LRRK1: variants seen among roughly 807,000 people sequenced by gnomAD.
LRRK1 encodes leucine-rich repeat serine/threonine-protein kinase 1.
A neutral mutation model predicts 209.1 loss-of-function variants in LRRK1; 113 were observed. The ratio of observed to expected loss-of-function variants is 0.54; its 90% CI spans 0.46 to 0.63. The LOEUF is 0.63. Among genes scored for constraint, LRRK1 ranks in the 30% least tolerant of loss-of-function variants. The pLI is 0.00. For missense variants in LRRK1, 2,284 were observed against 2,632.2 expected (o/e 0.87, Z 2.89); for synonymous variants, 1,144 against 1,099.7 (o/e 1.04, Z -0.80).
intron 2 of LRRK1, among the ~76,000 whole-genome samples, chr15:100,962,823 A>ATATAT: frequency 3.5e-4 from 4 of 11,546 alleles, no homozygotes; most frequent in African/African-American, 1.0e-3. Flanking sequence ...ATATATATAT[A>ATATAT]TTTTTTTTTT....
chr15:101,038,344 A>G (rs544941055), intron 20 of LRRK1, among the ~76,000 whole-genome samples: 2 of 152,300 alleles, frequency 1.3e-5, no homozygotes, highest in African/African-American at 4.8e-5. Context: ...ACCAAACACC[A>G]CCTGCTCCCC....
chr15:101,045,774 T>C (rs2035040063), intron 20 of LRRK1, among the ~76,000 whole-genome samples: 1 of 152,242 alleles, frequency 6.6e-6, no homozygotes, highest in African/African-American at 2.4e-5. Context: ...GGACCAGTCT[T>C]CATTTTCCTT....
intron 20 of LRRK1, among the ~76,000 whole-genome samples, chr15:101,031,977 G>C (rs966799867): frequency 6.6e-6 from 1 of 152,146 alleles, no homozygotes. Context: ...CTCGTGATCC[G>C]CCTGCCTTGG....
At chr15:100,932,427 T>C (rs1036013618) in intron 2 of LRRK1, among the ~76,000 whole-genome samples, 12 of 152,368 alleles carry the variant, frequency 7.9e-5, no homozygotes, top group Admixed American at 3.3e-4. Context: ...TCCCTCTATA[T>C]GCACCACATC....
At chr15:101,019,159 G>T (rs1295961834) in intron 12 of LRRK1, among the ~76,000 whole-genome samples, 1 of 152,156 alleles carries the variant, frequency 6.6e-6, no homozygotes, top group Non-Finnish European at 1.5e-5. Flanking sequence ...TCTGTTACAG[G>T]TGTTGCCTCT....
At chr15:101,066,413 AG>A (rs1205663135) in intron 32 of LRRK1, among the ~76,000 whole-genome samples, 1 of 152,254 alleles carries the variant, frequency 6.6e-6, no homozygotes, top group Non-Finnish European at 1.5e-5. Flanking sequence ...ATTGCCTGCC[AG>A]AGAGCTTAAG....
At chr15:101,028,416 G>A (rs2141104130) in intron 19 of LRRK1, among the ~76,000 whole-genome samples, 1 of 152,304 alleles carries the variant, frequency 6.6e-6, no homozygotes, top group East Asian at 1.9e-4. Context: ...CACGCTTAGG[G>A]AACTACACAG....
chr15:101,068,370 G>A (rs184007699), intron 33 of LRRK1, among the ~76,000 whole-genome samples: 1 of 152,262 alleles, frequency 6.6e-6, no homozygotes, highest in Non-Finnish European at 1.5e-5. Flanking sequence ...TGGGAGCTGA[G>A]TCAAGGATGC....
chr15:101,065,111 G>A, intron 31 of LRRK1: 1 of 572,222 alleles, frequency 1.7e-6, no homozygotes, highest in South Asian at 2.1e-5. Context: ...CACAGGCCCT[G>A]CCTCTGGGTG....
At chr15:100,985,046 C>G (rs2031796409) in intron 4 of LRRK1, among the ~76,000 whole-genome samples, 1 of 152,214 alleles carries the variant, frequency 6.6e-6, no homozygotes, top group African/African-American at 2.4e-5. Flanking sequence ...TGCATTGGGC[C>G]TCACCCCTTA....
At chr15:100,945,238 C>A (rs1042605054) in intron 2 of LRRK1, among the ~76,000 whole-genome samples, 2 of 152,166 alleles carry the variant, frequency 1.3e-5, no homozygotes, top group Non-Finnish European at 2.9e-5. Context: ...TGCTAAGCAG[C>A]CCTTCAGGAG....
At chr15:101,059,443 T>C (rs1275727350) in intron 29 of LRRK1, among the ~76,000 whole-genome samples, 1 of 147,972 alleles carries the variant, frequency 6.8e-6, no homozygotes, top group Admixed American at 6.7e-5. Flanking sequence ...GGAGCACGCC[T>C]TCCTGATGGG....
At chr15:101,062,752 C>G (rs2036261936) in intron 31 of LRRK1, 62 bp downstream of exon 31, 1 of 1,217,554 alleles carries the variant, frequency 8.2e-7, no homozygotes, top group South Asian at 1.2e-5. Flanking sequence ...TAGGAGGCGT[C>G]TCCTAGCTAT....
At position 101,012,124 on chromosome 15, in the gene LRRK1, C is replaced by G. The variant is rs761913219; in HGVS notation, c.1398C>G (p.Pro466=). 3.7e-6 allele frequency: 6 copies of G among 1,608,874 alleles called. No homozygotes were observed. The highest frequency in any genetic ancestry group is 5.1e-6 in the Non-Finnish European group (6 of 1,178,690). The change falls in exon 10 of 34, where the codon CCC becomes CCG. Residue 466 remains proline (P), a synonymous_variant. Coordinates refer to ENST00000388948, the MANE Select transcript of LRRK1 (RefSeq NM_024652.6). ...CAGAAAACGCACTCAAAGAAGTTCC[C>G]CTGGGACTTTTCCAGCTTGATGTAA... ...DFSENALKEV[P]LGLFQLDALM...
intron 2 of LRRK1, among the ~76,000 whole-genome samples, chr15:100,933,869 A>G (rs566565066): frequency 2.2e-5 from 3 of 139,114 alleles, no homozygotes; most frequent in East Asian, 4.5e-4. Flanking sequence ...GCTTGACTTC[A>G]TCTTCTAACC....
chr15:101,066,006 T>A lies in LRRK1; in HGVS notation c.5569T>A (p.Ser1857Thr), dbSNP rs1415696374. 6.2e-7 allele frequency: 1 copy of A among 1,613,946 alleles called. No homozygotes were observed. The highest frequency in any genetic ancestry group is 8.5e-7 in the Non-Finnish European group (1 of 1,179,974). Reference protein sequence around the residue: ...SPPRQAARSPSSLPSSPASSS... With the variant: ...SPPRQAARSPTSLPSSPASSS... ...ACCCCGCCAGGCTGCCAGGTCCCCC[T>A]CAAGCCTCCCCAGCTCCCCAGCAAG... The change falls in exon 32 of 34, where the codon TCA (serine) becomes ACA (threonine). Residue 1857 changes from serine to threonine, a missense_variant. This residue lies in a region of LRRK1 where 643 missense variants were observed against 695.9 expected (regional missense o/e 0.92). Coordinates refer to ENST00000388948, the MANE Select transcript of LRRK1 (RefSeq NM_024652.6).
Position 101,053,408 on chromosome 15 carries a change from G to C in LRRK1, c.4042G>C (p.Glu1348Gln), listed in dbSNP as rs750960615. ...PLSSLNTVLS[E>Q]NARDSSFIPL... ...CAGCAGCCTCAACACCGTGCTGTCCGAGAACGCCAGAGGTACCGCGGCGCG... is the reference window on the plus strand; with the variant it reads ...CAGCAGCCTCAACACCGTGCTGTCCCAGAACGCCAGAGGTACCGCGGCGCG... Residue 1348 changes from glutamate (E) to glutamine (Q), a missense_variant, in exon 26 of 34, where the codon GAG becomes CAG. This residue lies in a region of LRRK1 where 780 missense variants were observed against 985.2 expected (regional missense o/e 0.79). Coordinates refer to ENST00000388948, the MANE Select transcript of LRRK1 (RefSeq NM_024652.6). 1.3e-5 allele frequency: 20 copies of C among 1,593,250 alleles called. No homozygotes were observed. Among genetic ancestry groups the C allele is most frequent in the Non-Finnish European group, 1.6e-5 (19 of 1,176,480 alleles).
chr15:100,947,072 C>G (rs755307253), intron 2 of LRRK1, among the ~76,000 whole-genome samples: 1 of 152,052 alleles, frequency 6.6e-6, no homozygotes, highest in Non-Finnish European at 1.5e-5. Flanking sequence ...CAGCTTCAAG[C>G]GATTCCTCTG....
chr15:101,043,915 A>G (rs1428143574), intron 20 of LRRK1: 1 of 152,184 alleles, frequency 6.6e-6, no homozygotes, highest in Non-Finnish European at 1.5e-5. Flanking sequence ...TAAAATACTC[A>G]GAACAGTGTC....
Sources: gnomAD v4.1 joint callset for allele counts (sites outside exome capture counted in the v4.1 genomes callset) on GRCh38, gnomAD v4.1.1 for gene constraint, gnomAD v4.1.1 regional missense constraint, MANE v1.5 for transcripts, NCBI Gene and HGNC (gene_info 2026-07-23, HGNC 2026-07-21) for gene names.